ESS2: variants seen among roughly 807,000 people sequenced by gnomAD.
The protein encoded by ESS2 is splicing factor ESS-2 homolog.
A neutral mutation model predicts 52.0 loss-of-function variants in ESS2; 31 were observed. The observed-to-expected ratio is 0.60, with a 90% CI of 0.45 to 0.81. The LOEUF (loss-of-function observed/expected upper bound fraction) is 0.81, where lower values mean the gene tolerates loss of function less well. ESS2 is among the 30% of genes least tolerant of loss of function. The probability of loss-of-function intolerance (pLI) is 0.00; values close to 1 mark genes in which losing one functional copy is unlikely to be tolerated. For synonymous variants in ESS2, 285 were observed against 259.2 expected, an observed-to-expected ratio of 1.10 and a Z score of -0.95; for missense variants, 602 against 637.2, an observed-to-expected ratio of 0.94 and a Z score of 0.59.
Position 19,134,129 on chromosome 22 carries a change from C to G in ESS2, c.*67G>C. On this transcript the variant is annotated 3_prime_UTR_variant, in exon 10 of 10. Coordinates refer to ENST00000252137, the MANE Select transcript of ESS2 (RefSeq NM_022719.3). ...CCTGGGCCCCGAGAAGGCTGGAGTC[C>G]TCTGCTGGGTGTACAGCTGCCCTGC... is the stretch of plus-strand genomic sequence containing the variant. The G allele has an allele frequency of 1.4e-6, 2 of 1,437,242 alleles. No individual in the cohort carries two copies. The highest frequency in any genetic ancestry group is 9.1e-7 in the Non-Finnish European group (1 of 1,095,518). The allele number at this position is 1,437,242 out of a possible 1,614,324, so 89.0% of individuals were successfully genotyped here. A position where few individuals can be genotyped will look rare whatever the true frequency, so the allele number is the denominator to read the frequency against.
Position 19,134,027 on chromosome 22 carries a change from T to C in ESS2, c.*169A>G, listed in dbSNP as rs1437976755. 1 of 750,720 alleles carries C rather than the reference T, an allele frequency of 1.3e-6. No individual in the cohort carries two copies. The highest frequency in any genetic ancestry group is 1.9e-6 in the Non-Finnish European group (1 of 536,046). The allele number at this position is 750,720 out of a possible 1,614,324, so 46.5% of individuals were successfully genotyped here. A position where few individuals can be genotyped will look rare whatever the true frequency, so the allele number is the denominator to read the frequency against. On this transcript the variant is annotated 3_prime_UTR_variant, in exon 10 of 10. Coordinates refer to ENST00000252137, the MANE Select transcript of ESS2 (RefSeq NM_022719.3). ...CCCTGGGGTGTGGTGTGGGCACGAG[T>C]GCCTTGTGCCAGTCTGGCCCCAGCA...
At position 19,139,882 on chromosome 22, in the gene ESS2, G is replaced by A. The variant is rs780538668; in HGVS notation, c.543C>T (p.Leu181=). ...KERSRARHAW[L]YQAEEEFEKR... ...TCTCAAACTCTTCCTCAGCCTGGTA[G>A]AGCCAAGCGTGGCGTGCCCGGCTTC... is the stretch of plus-strand genomic sequence containing the variant. Residue 181 remains leucine (L), a synonymous_variant, in exon 4 of 10, where the codon CTC becomes CTT. Transcript: ENST00000252137. 3 of 1,614,142 alleles carry A rather than the reference G, an allele frequency of 1.9e-6. No individual in the cohort carries two copies. The highest frequency in any genetic ancestry group is 1.7e-5 in the Admixed American group (1 of 60,030).
In ESS2 at chr22:19,132,050, C is replaced by G; in HGVS notation, c.*2146G>C. On this transcript the variant is annotated 3_prime_UTR_variant, in exon 10 of 10. Transcript: ENST00000252137. The surrounding 1 kb of genome is among the most constrained non-coding windows in gnomAD (Gnocchi z 4.2). The stretch of plus-strand genomic sequence containing the variant: ...TGGTCTGCGGCTCCATGCCCTATGA[C>G]GACTCCGACATCAGGAAGATGCTGC... 1 of 1,614,052 alleles carries G rather than the reference C, an allele frequency of 6.2e-7. No individual in the cohort carries two copies. The highest frequency in any genetic ancestry group is 8.5e-7 in the Non-Finnish European group (1 of 1,179,974).
At chr22:19,137,517 G>T in intron 7 of ESS2, 85 bp from the exon 8 acceptor site, 3 of 1,099,186 alleles carry the variant, frequency 2.7e-6, no homozygotes, top group Non-Finnish European at 4.0e-6. Flanking sequence ...CACCCAATGT[G>T]CATCCCAGCT....
rs182878427 is a variant in ESS2 at position 19,144,419 on chromosome 22, G to A, written c.135+87C>T. 2.6e-4 allele frequency: 406 copies of A among 1,589,978 alleles called. No homozygotes were observed. The African/African-American group carries it at 5.1e-3, about 20-fold the overall frequency. ...TCCTCCACTTCCACGAGGAGACGGA[G>A]TGTCAACACCCGAGAGAGGGAACCT... On this transcript the variant is annotated intron_variant, in intron 1 of 9. Transcript: ENST00000252137.
At chr22:19,139,314 G>T in intron 5 of ESS2, 22 bp from the exon 6 acceptor site, 1 of 1,563,770 alleles carries the variant, frequency 6.4e-7, no homozygotes, top group Non-Finnish European at 8.7e-7. Flanking sequence ...AGCAAAGGTA[G>T]CAGCAGGTGT....
At position 19,137,443 on chromosome 22, in the gene ESS2, A is replaced by G. The variant is rs749910294; in HGVS notation, c.926-11T>C. ...GGGACTCGTTCACACCTGCAGACAA[A>G]GAGCCCAAAACCACCTCAGGCCAGA... On this transcript the variant is annotated splice_polypyrimidine_tract_variant and intron_variant, in intron 7 of 9. Coordinates refer to ENST00000252137, the MANE Select transcript of ESS2 (RefSeq NM_022719.3). The G allele has an allele frequency of 1.2e-5, 19 of 1,606,456 alleles. No individual in the cohort carries two copies. The highest frequency in any genetic ancestry group is 8.4e-5 in the Admixed American group (5 of 59,360).
rs747086582 is a variant in ESS2, at chr22:19,142,520, G to A, written c.400+18C>T. 1.8e-5 allele frequency: 28 copies of A among 1,582,068 alleles called. No homozygotes were observed. The highest frequency in any genetic ancestry group is 1.9e-4 in the Middle Eastern group (1 of 5,362). ...GGCAATCCTGACCATGTGACTTAAAGAGGGCACCCTCACTCACCATCCTCC... is the reference window on the plus strand; with the variant it reads ...GGCAATCCTGACCATGTGACTTAAAAAGGGCACCCTCACTCACCATCCTCC... On this transcript the variant is annotated intron_variant, in intron 3 of 9. Coordinates refer to ENST00000252137, the MANE Select transcript of ESS2 (RefSeq NM_022719.3).
At chr22:19,139,807 CCA>C (rs2083652267) in intron 4 of ESS2, 46 bp downstream of exon 4, 1 of 1,613,644 alleles carries the variant, frequency 6.2e-7, no homozygotes, top group African/African-American at 1.3e-5. Flanking sequence ...TCCCCAACCA[CCA>C]CAGAGGGTGC....
At chr22:19,137,265 C>A in intron 8 of ESS2, 58 bp downstream of exon 8, 2 of 1,311,164 alleles carry the variant, frequency 1.5e-6, no homozygotes, top group Non-Finnish European at 2.1e-6. Flanking sequence ...CACAGGCACT[C>A]AGGGCTCCAG....
chr22:19,138,115 G>A (rs1482890525), intron 7 of ESS2, 100 bp downstream of exon 7: 15 of 1,571,940 alleles, frequency 9.5e-6, no homozygotes, highest in Non-Finnish European at 4.3e-6. Flanking sequence ...GTGTGGGGCA[G>A]GCCAGGTAGA....
In ESS2 at chr22:19,134,100, CAGGCCTGGGCCCCG is replaced by C; in HGVS notation, c.*82_*95del. The C allele has an allele frequency of 1.5e-6, 2 of 1,356,936 alleles. No homozygotes were observed. Among genetic ancestry groups the C allele is most frequent in the Non-Finnish European group, 1.9e-6 (2 of 1,049,634 alleles). The allele number at this position is 1,356,936 out of a possible 1,614,324, so 84.1% of individuals were successfully genotyped here. Reference sequence around the variant, plus strand: ...CTGGTATGGTCAACAGCTTCTGGCCCAGGCCTGGGCCCCGAGAAGGCTGGAGTCCTCTGCTGGGT... The same window carrying C: ...CTGGTATGGTCAACAGCTTCTGGCCCAGAAGGCTGGAGTCCTCTGCTGGGT... On this transcript the variant is annotated 3_prime_UTR_variant, in exon 10 of 10. Coordinates refer to ENST00000252137, the MANE Select transcript of ESS2 (RefSeq NM_022719.3).
rs370949168 is a variant in ESS2, at chr22:19,139,871, T to A, written c.554A>T (p.Glu185Val). Residue 185 changes from glutamate (E) to valine (V), a missense_variant, in exon 4 of 10, where the codon GAG becomes GTG. Physicochemically the swap from Glu to Val is moderately radical, Grantham distance 121. Transcript: ENST00000252137. ...CAGAGACACCTTCTCAAACTCTTCC[T>A]CAGCCTGGTAGAGCCAAGCGTGGCG... ...RARHAWLYQAEEEFEKRQKDN... is the reference protein window; with the variant it reads ...RARHAWLYQAVEEFEKRQKDN... 117 of 1,614,014 alleles carry A rather than the reference T, an allele frequency of 7.2e-5. No homozygotes were observed. The highest frequency in any genetic ancestry group is 9.8e-5 in the Non-Finnish European group (116 of 1,180,010).
Position 19,132,379 on chromosome 22 carries a change from CCGAGAA to C in ESS2, c.*1811_*1816del. The C allele has an allele frequency of 6.2e-7, 1 of 1,613,078 alleles. No homozygotes were observed. The highest frequency in any genetic ancestry group is 1.1e-5 in the South Asian group (1 of 91,072). On this transcript the variant is annotated 3_prime_UTR_variant, in exon 10 of 10. Coordinates refer to ENST00000252137, the MANE Select transcript of ESS2 (RefSeq NM_022719.3). The surrounding 1 kb of genome is among the most constrained non-coding windows in gnomAD (Gnocchi z 4.2). ...ACCCAGCACCGGCTGCTGGTGGTGC[CCGAGAA>C]CGAGAACAGGATGGAGGACAGGCTG...
At chr22:19,144,156 A>G in intron 1 of ESS2, 1 of 1,071,050 alleles carries the variant, frequency 9.3e-7, no homozygotes, top group Non-Finnish European at 1.1e-6. Context: ...GTCTCTTTCC[A>G]GGAACCCCAG....
In ESS2 at chr22:19,133,857, G is replaced by A. The variant is rs890453686; in HGVS notation, c.*339C>T. 2.9e-5 allele frequency: 7 copies of A among 245,468 alleles called. No individual in the cohort carries two copies. Among genetic ancestry groups the A allele is most frequent in the African/African-American group, 4.5e-5 (2 of 44,916 alleles). The allele number at this position is 245,468 out of a possible 1,614,324, so 15.2% of individuals were successfully genotyped here. A position where few individuals can be genotyped will look rare whatever the true frequency, so the allele number is the denominator to read the frequency against. On this transcript the variant is annotated 3_prime_UTR_variant, in exon 10 of 10. Transcript: ENST00000252137. Reference sequence around the variant, plus strand: ...TGGGGGGCCCCTCGCTTCAAGCCCCGCAGTCCTGAGACGTGATGCAGGCCC... The same window carrying A: ...TGGGGGGCCCCTCGCTTCAAGCCCCACAGTCCTGAGACGTGATGCAGGCCC...
intron 1 of ESS2, chr22:19,144,291 G>C: frequency 7.5e-7 from 1 of 1,331,150 alleles, no homozygotes; most frequent in South Asian, 1.9e-5. Flanking sequence ...CATACAAAGA[G>C]AGCCGCTCTC....
At chr22:19,138,628 C>T (rs1232632021) in intron 6 of ESS2, 15 of 545,586 alleles carry the variant, frequency 2.7e-5, no homozygotes, top group Non-Finnish European at 4.3e-5. Context: ...CGCCAGGCCC[C>T]TGCAGGGGGC....
intron 6 of ESS2, among the ~76,000 whole-genome samples, chr22:19,138,708 T>G (rs1469454295): frequency 6.6e-6 from 1 of 152,160 alleles, no homozygotes; most frequent in Non-Finnish European, 1.5e-5. Flanking sequence ...CTTCCCCACT[T>G]CAACCCTGTG....
Sources: gnomAD v4.1 joint callset for allele counts (sites outside exome capture counted in the v4.1 genomes callset) on GRCh38, gnomAD v4.1.1 for gene constraint, Gnocchi (gnomAD v3.1) non-coding constraint, MANE v1.5 for transcripts, NCBI Gene and HGNC (gene_info 2026-07-23, HGNC 2026-07-21) for gene names.